GRM4: variants seen among roughly 807,000 people sequenced by gnomAD.
GRM4 encodes the protein glutamate metabotropic receptor 4.
In GRM4, 28 loss-of-function variants were observed where a neutral mutation model predicts 81.7. That is an observed-to-expected ratio of 0.34 (90% confidence interval 0.25 to 0.47). GRM4 has a LOEUF of 0.47. GRM4 is among the 20% of genes least tolerant of loss of function. The pLI, the probability that GRM4 is intolerant of heterozygous loss-of-function variation, is 1.00. For synonymous variants in GRM4, 488 were observed against 528.8 expected, an observed-to-expected ratio of 0.92 and a Z score of 1.06; for missense variants, 948 against 1,290.0, an observed-to-expected ratio of 0.73 and a Z score of 4.06.
rs1332814199 is a variant in GRM4 at position 34,022,452 on chromosome 6, A to G, written c.*369T>C. ...GTGAAACAAAGAGATAAGAGAACAG[A>G]AAGACAGGGCTGGAGACAGACAGAG... On this transcript the variant is annotated 3_prime_UTR_variant, in exon 11 of 11. Coordinates refer to ENST00000538487, the MANE Select transcript of GRM4 (RefSeq NM_000841.4). This position sits in a 1 kb window ranked among gnomAD's most constrained non-coding sequence, Gnocchi z 5.6. 2 of 264,684 alleles carry G rather than the reference A, an allele frequency of 7.6e-6. No individual in the cohort carries two copies. Among genetic ancestry groups the G allele is most frequent in the Non-Finnish European group, 1.4e-5 (2 of 138,234 alleles). 16.4% of individuals were successfully genotyped at this position (264,684 alleles called of 1,614,324 possible). A position where few individuals can be genotyped will look rare whatever the true frequency, so the allele number is the denominator to read the frequency against.
At chr6:34,031,867 C>T (rs932711492) in intron 9 of GRM4, among the ~76,000 whole-genome samples, 2 of 152,178 alleles carry the variant, frequency 1.3e-5, no homozygotes, top group African/African-American at 2.4e-5. Context: ...TGCCTGCTCA[C>T]ACACACATCA....
chr6:34,040,061 TG>T, intron 8 of GRM4, 116 bp downstream of exon 8: 1 of 994,772 alleles, frequency 1.0e-6, no homozygotes, highest in Non-Finnish European at 1.5e-6. Flanking sequence ...AGCCCCAGCC[TG>T]GCAGCAGCGG....
At chr6:34,053,113 G>A (rs1457799519) in intron 6 of GRM4, among the ~76,000 whole-genome samples, 1 of 133,032 alleles carries the variant, frequency 7.5e-6, no homozygotes, top group Non-Finnish European at 1.5e-5. Context: ...CTCCTCACAC[G>A]CTTATCTCTA....
chr6:34,081,895 C>T (rs550729562), intron 3 of GRM4, among the ~76,000 whole-genome samples: 88 of 152,324 alleles, frequency 5.8e-4, no homozygotes, highest in African/African-American at 2.1e-3. Context: ...GGCAGAAGTC[C>T]AGGGTCAGCA....
Position 34,115,920 on chromosome 6 carries a change from A to G in GRM4, c.519+17058T>C, listed in dbSNP as rs1241123500. ...GACTTTGAAAAGGTAAAAATGAGGT[A>G]CCGATGTTGGCCGCACCAGAAGAGG... On this transcript the variant is annotated intron_variant, in intron 2 of 10. Coordinates refer to ENST00000538487, the MANE Select transcript of GRM4 (RefSeq NM_000841.4). This position sits in a 1 kb window ranked among gnomAD's most constrained non-coding sequence, Gnocchi z 4.1. Among the ~76,000 whole-genome samples the G allele has an allele frequency of 1.3e-5, 2 of 152,226 alleles. No homozygotes were observed. The highest frequency in any genetic ancestry group is 2.9e-5 in the Non-Finnish European group (2 of 68,036).
chr6:34,137,708 T>C (rs1770515768), intron 1 of GRM4, among the ~76,000 whole-genome samples: 1 of 151,116 alleles, frequency 6.6e-6, no homozygotes, highest in South Asian at 2.1e-4. Flanking sequence ...CTCAGCCTCC[T>C]GAACAGCTGG....
intron 3 of GRM4, among the ~76,000 whole-genome samples, chr6:34,065,282 CACACGACTA>C (rs900110686): frequency 3.3e-5 from 5 of 152,122 alleles, no homozygotes; most frequent in Non-Finnish European, 5.9e-5. Flanking sequence ...GCCCCTGGGC[CACACGACTA>C]ACACTCCCGC....
At position 34,133,760 on chromosome 6, in the gene GRM4, C is replaced by G. The variant is rs964552488; in HGVS notation, c.-264G>C. The G allele has an allele frequency of 1.6e-6, 2 of 1,238,224 alleles. No homozygotes were observed. Among genetic ancestry groups the G allele is most frequent in the African/African-American group, 3.1e-5 (2 of 64,714 alleles). 76.7% of individuals were successfully genotyped at this position (1,238,224 alleles called of 1,614,324 possible). On this transcript the variant is annotated 5_prime_UTR_variant, in exon 2 of 11. Transcript: ENST00000538487. This position sits in a 1 kb window ranked among gnomAD's most constrained non-coding sequence, Gnocchi z 6.5. ...TCTGATCCTTGTCCCGTCCTGCAGG[C>G]CTGTTCTCGGTGGATGACTGTGGAA...
chr6:34,024,698 G>T (rs759560357), intron 10 of GRM4: 47 of 455,852 alleles, frequency 1.0e-4, no homozygotes, highest in Non-Finnish European at 1.9e-4. Flanking sequence ...GGTGGAGTCA[G>T]TGGCCTATGA....
chr6:34,073,951 C>G (rs1319433661), intron 3 of GRM4, among the ~76,000 whole-genome samples: 1 of 152,156 alleles, frequency 6.6e-6, no homozygotes, highest in Non-Finnish European at 1.5e-5. Context: ...TATGGTCCAG[C>G]AACTGGATGG....
chr6:34,140,431 A>G (rs967524647), intron 1 of GRM4, among the ~76,000 whole-genome samples: 8 of 152,206 alleles, frequency 5.3e-5, no homozygotes, highest in South Asian at 2.1e-4. Context: ...GTTTGAGCAC[A>G]GCACAGGCAG....
intron 8 of GRM4, among the ~76,000 whole-genome samples, chr6:34,039,714 T>C (rs1764901266): frequency 6.6e-6 from 1 of 152,136 alleles, no homozygotes; most frequent in Non-Finnish European, 1.5e-5. Flanking sequence ...TACCCACCAG[T>C]CAGTGGCACA....
intron 10 of GRM4, among the ~76,000 whole-genome samples, chr6:34,027,451 C>T (rs1268315064): frequency 6.6e-6 from 1 of 152,114 alleles, no homozygotes; most frequent in Non-Finnish European, 1.5e-5. Context: ...GCTGGGTCTC[C>T]CCGGACAGTC....
chr6:34,029,977 G>A (rs3778043), intron 9 of GRM4, among the ~76,000 whole-genome samples: 1,699 of 152,278 alleles, frequency 0.011, 16 homozygotes, highest in East Asian at 0.025. Flanking sequence ...AGCACATGCC[G>A]CTCCAGACAC....
intron 1 of GRM4, among the ~76,000 whole-genome samples, chr6:34,143,558 T>C (rs1346173201): frequency 6.6e-6 from 1 of 152,180 alleles, no homozygotes; most frequent in East Asian, 1.9e-4. Flanking sequence ...CCCCTCTTCA[T>C]GAAAGCTTCC....
intron 2 of GRM4, among the ~76,000 whole-genome samples, chr6:34,122,860 G>T (rs1314200914): frequency 6.6e-6 from 1 of 152,184 alleles, no homozygotes; most frequent in Admixed American, 6.5e-5. Flanking sequence ...CACGATTCCC[G>T]CAAGAGCCCC....
chr6:34,110,977 C>CA (rs1769352391), intron 2 of GRM4: 1 of 602,968 alleles, frequency 1.7e-6, no homozygotes, highest in African/African-American at 1.9e-5. Context: ...TGCAAGGAGC[C>CA]AAGCGGAGAC....
At chr6:34,050,806 C>A (rs553118538) in intron 6 of GRM4, among the ~76,000 whole-genome samples, 1 of 152,332 alleles carries the variant, frequency 6.6e-6, no homozygotes, top group East Asian at 1.9e-4. Context: ...TGCCAGGCCA[C>A]GCCACCATCC....
At chr6:34,108,181 C>T (rs1036496297) in intron 2 of GRM4, among the ~76,000 whole-genome samples, 3 of 152,240 alleles carry the variant, frequency 2.0e-5, no homozygotes, top group African/African-American at 7.2e-5. Flanking sequence ...GAGCTTGCCA[C>T]GACGGGAAGA....
Sources: allele counts gnomAD v4.1 joint callset (sites outside exome capture counted in the v4.1 genomes callset), GRCh38; gene constraint gnomAD v4.1.1; non-coding constraint Gnocchi (gnomAD v3.1); transcripts MANE v1.5; gene names NCBI Gene and HGNC (gene_info 2026-07-23, HGNC 2026-07-21).